NYAP2: variants seen among roughly 807,000 people sequenced by gnomAD.
The protein encoded by NYAP2 is neuronal tyrosine-phosphorylated phosphoinositide-3-kinase adaptor 2.
NYAP2 carries 23 observed loss-of-function variants against 50.4 expected under a neutral mutation model. The observed-to-expected ratio is 0.46, with a 90% CI of 0.33 to 0.65. The LOEUF (loss-of-function observed/expected upper bound fraction) is 0.65, where lower values mean the gene tolerates loss of function less well. Ranked by LOEUF, NYAP2 falls within the 30% of genes least tolerant of loss-of-function variation. The pLI is 0.02. For synonymous variants in NYAP2, 394 were observed against 365.2 expected (o/e 1.08, Z -0.90); for missense variants, 885 against 861.0 (o/e 1.03, Z -0.35).
At chr2:225,665,807 TAAAA>T in the NYAP2 span, among the ~76,000 whole-genome samples, 11 of 20,996 alleles carry the variant, frequency 5.2e-4, no homozygotes, top group African/African-American at 1.2e-3. Context: ...AGCCTCCGTC[TAAAA>T]AAAAAAAAAA....
Position 225,582,826 on chromosome 2 carries a change from C to A in NYAP2, c.1409C>A (p.Pro470His). The change falls in exon 5 of 7, where the codon CCT becomes CAT. Residue 470 changes from proline to histidine, a missense_variant. Transcript: ENST00000636099. The surrounding 1 kb of genome is among the most constrained non-coding windows in gnomAD (Gnocchi z 7.0). ...TCGGGCAGCCTCTCAAGGAGCTCTC[C>A]TTCAGTGCCTCACTCGACCCCCAGA... 1 of 1,613,928 alleles carries A rather than the reference C, an allele frequency of 6.2e-7. No homozygotes were observed. The highest frequency in any genetic ancestry group is 8.5e-7 in the Non-Finnish European group (1 of 1,179,894).
chr2:225,553,156 T>C (rs1029752501), intron 4 of NYAP2, among the ~76,000 whole-genome samples: 2 of 152,240 alleles, frequency 1.3e-5, no homozygotes, highest in Admixed American at 1.3e-4. Flanking sequence ...CGTCCCTGCC[T>C]GGCGGCGGCT....
intron 3 of NYAP2, among the ~76,000 whole-genome samples, chr2:225,417,910 G>A (rs1479714679): frequency 2.0e-5 from 3 of 152,042 alleles, no homozygotes; most frequent in African/African-American, 7.2e-5. Context: ...GTCCTCATCG[G>A]AGTTACAATC....
the NYAP2 span, among the ~76,000 whole-genome samples, chr2:225,691,808 A>G: frequency 6.6e-6 from 1 of 152,058 alleles, no homozygotes; most frequent in Admixed American, 6.6e-5. Context: ...GGTCTCCTGG[A>G]GAAACTTCCC....
intron 3 of NYAP2, among the ~76,000 whole-genome samples, chr2:225,497,027 G>T (rs1434903629): frequency 6.6e-6 from 1 of 152,100 alleles, no homozygotes; most frequent in East Asian, 1.9e-4. Flanking sequence ...GATGAGGTTT[G>T]ATCAAAGGCA....
At chr2:225,661,605 G>T in the NYAP2 span, among the ~76,000 whole-genome samples, 1 of 152,140 alleles carries the variant, frequency 6.6e-6, no homozygotes, top group African/African-American at 2.4e-5. Flanking sequence ...CCTATTGAAG[G>T]TCTTATAACC....
At chr2:225,692,978 G>A in the NYAP2 span, among the ~76,000 whole-genome samples, 1 of 152,038 alleles carries the variant, frequency 6.6e-6, no homozygotes, top group African/African-American at 2.4e-5. Flanking sequence ...TCCAAAGAGT[G>A]TATAGTGGGT....
At chr2:225,581,903 T>TA (rs1559220764) in intron 4 of NYAP2, 38 bp from the exon 5 acceptor site, 1 of 1,547,062 alleles carries the variant, frequency 6.5e-7, no homozygotes, top group Non-Finnish European at 8.7e-7. Context: ...ACTTTCCTAT[T>TA]ATACTCATCT....
chr2:225,581,294 C>A (rs1032676531), intron 4 of NYAP2, among the ~76,000 whole-genome samples: 7 of 152,146 alleles, frequency 4.6e-5, no homozygotes, highest in African/African-American at 1.7e-4. Context: ...AGAACAAAAA[C>A]AGACAAATAC....
chr2:225,482,707 C>T (rs1022643158), intron 3 of NYAP2, among the ~76,000 whole-genome samples: 3 of 152,166 alleles, frequency 2.0e-5, no homozygotes, highest in Non-Finnish European at 2.9e-5. Context: ...ACTGTCACCT[C>T]CTTCTTTCCC....
chr2:225,513,262 C>A, intron 3 of NYAP2, 109 bp from the exon 4 acceptor site: 1 of 969,824 alleles, frequency 1.0e-6, no homozygotes, highest in African/African-American at 1.6e-5. Flanking sequence ...TTTCACCGGA[C>A]TAAAATGAAG....
chr2:225,474,171 C>G (rs1197776059), intron 3 of NYAP2, among the ~76,000 whole-genome samples: 2 of 151,908 alleles, frequency 1.3e-5, no homozygotes, highest in African/African-American at 4.8e-5. Context: ...TGGTCTATAT[C>G]TCTCTTTTGG....
At chr2:225,416,164 A>AG (rs1342866678) in intron 3 of NYAP2, among the ~76,000 whole-genome samples, 2 of 152,172 alleles carry the variant, frequency 1.3e-5, no homozygotes, top group Non-Finnish European at 2.9e-5. Context: ...AGGGGACCAC[A>AG]GGTTGCTTTG....
intron 4 of NYAP2, among the ~76,000 whole-genome samples, chr2:225,527,430 G>A (rs2106194850): frequency 6.6e-6 from 1 of 152,316 alleles, no homozygotes; most frequent in Admixed American, 6.5e-5. Context: ...GCTGAAGCTG[G>A]AGTCTCATCT....
At chr2:225,415,436 T>G (rs1278829248) in intron 3 of NYAP2, among the ~76,000 whole-genome samples, 4 of 152,214 alleles carry the variant, frequency 2.6e-5, no homozygotes, top group African/African-American at 9.6e-5. Flanking sequence ...TTTAAATGAC[T>G]ACTTTACCCA....
intron 6 of NYAP2, among the ~76,000 whole-genome samples, chr2:225,640,858 G>A (rs1040975683): frequency 2.2e-4 from 34 of 151,904 alleles, no homozygotes; most frequent in Non-Finnish European, 1.5e-4. Flanking sequence ...GTATGATACC[G>A]TATACTATAT....
At chr2:225,417,908 C>T (rs1695150928) in intron 3 of NYAP2, among the ~76,000 whole-genome samples, 2 of 151,858 alleles carry the variant, frequency 1.3e-5, no homozygotes, top group Admixed American at 6.6e-5. Context: ...TTGTCCTCAT[C>T]GGAGTTACAA....
At position 225,429,795 on chromosome 2, in the gene NYAP2, T is replaced by C. The variant is rs116629037; in HGVS notation, c.221+20694T>C. ...CAGTCATTTTCTTTTTAGTATTAAT[T>C]TGAATTCTGGTGCATCTATGATAGA... On this transcript the variant is annotated intron_variant, in intron 3 of 6. Transcript: ENST00000636099. 1.3e-3 allele frequency among the ~76,000 whole-genome samples: 192 copies of C among 152,296 alleles called. 1 individual carries two copies. Among genetic ancestry groups the C allele is most frequent in the African/African-American group, 4.2e-3 (173 of 41,554 alleles).
chr2:225,449,915 C>G (rs1559183053), intron 3 of NYAP2, among the ~76,000 whole-genome samples: 1 of 152,130 alleles, frequency 6.6e-6, no homozygotes, highest in East Asian at 1.9e-4. Context: ...CCACACCCGG[C>G]CGATAAGCCA....
Sources: allele counts gnomAD v4.1 joint callset (sites outside exome capture counted in the v4.1 genomes callset), GRCh38; gene constraint gnomAD v4.1.1; non-coding constraint Gnocchi (gnomAD v3.1); transcripts MANE v1.5; gene names NCBI Gene and HGNC (gene_info 2026-07-23, HGNC 2026-07-21).